The following MFSD6 variants were observed in gnomAD, a reference collection of about 807,000 sequenced individuals.
The protein encoded by MFSD6 is major facilitator superfamily domain containing 6, also known as major facilitator superfamily domain-containing protein 6.
Under a neutral mutation model 56.3 loss-of-function variants are expected in MFSD6, and 26 were observed. That is an observed-to-expected ratio of 0.46 (90% CI 0.34 to 0.64). MFSD6 has a LOEUF of 0.64. Ranked by LOEUF, MFSD6 falls within the 30% of genes least tolerant of loss-of-function variation. The probability of loss-of-function intolerance (pLI) is 0.01; values close to 1 mark genes in which losing one functional copy is unlikely to be tolerated. For missense variants in MFSD6, 750 were observed against 986.2 expected (o/e 0.76, Z 3.21); for synonymous variants, 331 against 366.9 (o/e 0.90, Z 1.12).
Position 190,491,806 on chromosome 2 carries a change from A to G in MFSD6, c.1891+1940A>G, listed in dbSNP as rs188861443. On this transcript the variant is annotated intron_variant, in intron 6 of 7. Coordinates refer to ENST00000392328, the MANE Select transcript of MFSD6 (RefSeq NM_017694.4). This position sits in a 1 kb window ranked among gnomAD's most constrained non-coding sequence, Gnocchi z 4.2. ...CACCAGCAATAGATCCAAACCAAGA[A>G]GAAATCTCTGACTTCCCTGAAAAAG... 8.2e-4 allele frequency among the ~76,000 whole-genome samples: 125 copies of G among 152,330 alleles called. No homozygotes were observed. Among genetic ancestry groups the G allele is most frequent in the Non-Finnish European group, 1.5e-3 (103 of 68,020 alleles).
intron 2 of MFSD6, among the ~76,000 whole-genome samples, chr2:190,432,698 T>C (rs960018934): frequency 6.6e-6 from 1 of 152,130 alleles, no homozygotes; most frequent in Non-Finnish European, 1.5e-5. Context: ...ATTACAGGCG[T>C]GAGCCACCGC....
chr2:190,477,891 C>G (rs1273245995), intron 4 of MFSD6, among the ~76,000 whole-genome samples: 1 of 152,158 alleles, frequency 6.6e-6, no homozygotes, highest in Non-Finnish European at 1.5e-5. Flanking sequence ...AAGCTAGATT[C>G]TGAAGGGCGA....
chr2:190,463,687 G>A lies in MFSD6; in HGVS notation c.1533-6071G>A, dbSNP rs1687448267. ...AATCAAAAGTTAGCTTGGCGTGATGGTGCACACCTGTAGTCCCAGCTACTT... is the reference window on the plus strand; with the variant it reads ...AATCAAAAGTTAGCTTGGCGTGATGATGCACACCTGTAGTCCCAGCTACTT... On this transcript the variant is annotated intron_variant, in intron 3 of 7. Transcript: ENST00000392328. This position sits in a 1 kb window ranked among gnomAD's most constrained non-coding sequence, Gnocchi z 4.4. The A allele has an allele frequency of 6.3e-6, 1 of 159,344 alleles. No homozygotes were observed. Among genetic ancestry groups the A allele is most frequent in the African/African-American group, 2.4e-5 (1 of 41,528 alleles). The allele number at this position is 159,344 out of a possible 1,614,324, so 9.9% of individuals were successfully genotyped here.
At chr2:190,483,269 ATTTACTATAGAATAC>A (rs924059595) in intron 4 of MFSD6, among the ~76,000 whole-genome samples, 3 of 152,158 alleles carry the variant, frequency 2.0e-5, no homozygotes, top group African/African-American at 7.2e-5. Context: ...AGATAGTTAC[ATTTACTATAGAATAC>A]TTCTAACAAT....
chr2:190,477,179 A>C (rs1294590250), intron 4 of MFSD6: 31 of 856,486 alleles, frequency 3.6e-5, no homozygotes, highest in Non-Finnish European at 3.9e-5. Context: ...CGTTGTGCAC[A>C]TGTACCCTAA....
In MFSD6 at chr2:190,494,822, G is replaced by A. The variant is rs1187409377; in HGVS notation, c.1892-2617G>A. On this transcript the variant is annotated intron_variant, in intron 6 of 7. Coordinates refer to ENST00000392328, the MANE Select transcript of MFSD6 (RefSeq NM_017694.4). This position sits in a 1 kb window ranked among gnomAD's most constrained non-coding sequence, Gnocchi z 5.7. ...CATCCCTTTATGATTAAAACCCTTA[G>A]CAAAATCAGCATACAAGAGACATAA... Among the ~76,000 whole-genome samples the A allele has an allele frequency of 6.6e-6, 1 of 151,928 alleles. No individual in the cohort carries two copies. Among genetic ancestry groups the A allele is most frequent in the African/African-American group, 2.4e-5 (1 of 41,384 alleles).
intron 3 of MFSD6, among the ~76,000 whole-genome samples, chr2:190,468,218 G>A (rs1367237095): frequency 6.6e-6 from 1 of 151,968 alleles, no homozygotes; most frequent in Non-Finnish European, 1.5e-5. Flanking sequence ...CAAGTACAAA[G>A]AACATAATGT....
Position 190,436,274 on chromosome 2 carries a change from A to G in MFSD6, c.245A>G (p.Tyr82Cys). 8 of 1,614,042 alleles carry G rather than the reference A, an allele frequency of 5.0e-6. No homozygotes were observed. The East Asian group carries it at 1.1e-4, about 22-fold the overall frequency. ...KVFYFFFYSA[Y>C]GSLYPLLPVY... Reference sequence around the variant, plus strand: ...TTTTATTTTTTCTTTTACTCTGCCTATGGCTCTCTCTATCCCCTTTTGCCT... The same window carrying G: ...TTTTATTTTTTCTTTTACTCTGCCTGTGGCTCTCTCTATCCCCTTTTGCCT... The change falls in exon 3 of 8, where the codon TAT becomes TGT. Residue 82 changes from tyrosine to cysteine, a missense_variant. Tyr to Cys is a radical substitution (Grantham distance 194). Transcript: ENST00000392328. The surrounding 1 kb of genome is among the most constrained non-coding windows in gnomAD (Gnocchi z 5.3).
At position 190,497,805 on chromosome 2, in the gene MFSD6, C is replaced by A; in HGVS notation, c.2172+86C>A. 2 of 1,429,046 alleles carry A rather than the reference C, an allele frequency of 1.4e-6. No individual in the cohort carries two copies. The highest frequency in any genetic ancestry group is 9.5e-7 in the Non-Finnish European group (1 of 1,051,224). The allele number at this position is 1,429,046 out of a possible 1,614,324, so 88.5% of individuals were successfully genotyped here. On this transcript the variant is annotated intron_variant, in intron 7 of 7. Transcript: ENST00000392328. This position sits in a 1 kb window ranked among gnomAD's most constrained non-coding sequence, Gnocchi z 5.2. The stretch of plus-strand genomic sequence containing the variant: ...CAGTTTTAATTACTCACTTTTCATT[C>A]AACAAGATTTATTGAAAGTCTGGTG...
rs555032257 is a variant in MFSD6 at position 190,410,554 on chromosome 2, G to A, written c.-176+2051G>A. Among the ~76,000 whole-genome samples the A allele has an allele frequency of 6.7e-4, 102 of 152,274 alleles. No homozygotes were observed. The highest frequency in any genetic ancestry group is 1.9e-3 in the African/African-American group (80 of 41,546). On this transcript the variant is annotated intron_variant, in intron 1 of 7. Transcript: ENST00000392328. This position sits in a 1 kb window ranked among gnomAD's most constrained non-coding sequence, Gnocchi z 4.4. Reference sequence around the variant, plus strand: ...GTAGGATAATTTATATATTTATTACGTATGTATATTAATGTGTGTATGTTT... The same window carrying A: ...GTAGGATAATTTATATATTTATTACATATGTATATTAATGTGTGTATGTTT...
At chr2:190,450,481 C>CT (rs1686737291) in intron 3 of MFSD6, among the ~76,000 whole-genome samples, 1 of 103,106 alleles carries the variant, frequency 9.7e-6, no homozygotes, top group African/African-American at 3.3e-5. Context: ...TTCTTTTTCT[C>CT]TTTTTCCTTT....
At chr2:190,483,835 C>CAAA (rs34089229) in intron 4 of MFSD6, among the ~76,000 whole-genome samples, 9 of 86,650 alleles carry the variant, frequency 1.0e-4, no homozygotes, top group Non-Finnish European at 1.5e-4. Flanking sequence ...AACTCATTTT[C>CAAA]AAAAAAAAAA....
In MFSD6 at chr2:190,413,310, G is replaced by A. The variant is rs1690643197; in HGVS notation, c.-175-1982G>A. 6.6e-6 allele frequency among the ~76,000 whole-genome samples: 1 copy of A among 152,030 alleles called. No individual in the cohort carries two copies. Among genetic ancestry groups the A allele is most frequent in the Non-Finnish European group, 1.5e-5 (1 of 68,014 alleles). ...GCGGGGTAGAATGGGGGAGAATAGG[G>A]CAAAGATGGGAAGAAATTCAGACCC... On this transcript the variant is annotated intron_variant, in intron 1 of 7. Transcript: ENST00000392328. The surrounding 1 kb of genome is among the most constrained non-coding windows in gnomAD (Gnocchi z 4.1).
intron 3 of MFSD6, among the ~76,000 whole-genome samples, chr2:190,445,558 A>G (rs895549242): frequency 4.6e-5 from 7 of 151,890 alleles, no homozygotes; most frequent in Admixed American, 1.3e-4. Context: ...AACACAAAAC[A>G]TACAGAATGA....
chr2:190,465,425 C>CT lies in MFSD6; in HGVS notation c.1533-4324dup, dbSNP rs141952123. ...TAGGTATCTATATCTCGTGGAGAGACTTTTTTTTTCAGTGTCTTGTATTTC... is the reference window on the plus strand; with the variant it reads ...TAGGTATCTATATCTCGTGGAGAGACTTTTTTTTTTCAGTGTCTTGTATTTC... On this transcript the variant is annotated intron_variant, in intron 3 of 7. Coordinates refer to ENST00000392328, the MANE Select transcript of MFSD6 (RefSeq NM_017694.4). This position sits in a 1 kb window ranked among gnomAD's most constrained non-coding sequence, Gnocchi z 4.6. Among the ~76,000 whole-genome samples, 5 of 150,912 alleles carry CT rather than the reference C, an allele frequency of 3.3e-5. No homozygotes were observed. Among genetic ancestry groups the CT allele is most frequent in the African/African-American group, 4.9e-5 (2 of 40,970 alleles).
Position 190,497,463 on chromosome 2 carries a change from T to C in MFSD6, c.1916T>C (p.Ile639Thr). Reference sequence around the variant, plus strand: ...GACAAGACAATGTTGGCAGAAAGAATTCCTGTTCCCTCCAGTCCCGTTCCT... The same window carrying C: ...GACAAGACAATGTTGGCAGAAAGAACTCCTGTTCCCTCCAGTCCCGTTCCT... The part of the protein sequence containing the change: ...EEDKTMLAER[I>T]PVPSSPVPIA... The change falls in exon 7 of 8, where the codon ATT becomes ACT. Residue 639 changes from isoleucine to threonine, a missense_variant. By Grantham distance (89) the Ile-to-Thr change is moderately conservative. Coordinates refer to ENST00000392328, the MANE Select transcript of MFSD6 (RefSeq NM_017694.4). This position sits in a 1 kb window ranked among gnomAD's most constrained non-coding sequence, Gnocchi z 5.2. 1 of 1,614,154 alleles carries C rather than the reference T, an allele frequency of 6.2e-7. No individual in the cohort carries two copies. Among genetic ancestry groups the C allele is most frequent in the Non-Finnish European group, 8.5e-7 (1 of 1,180,016 alleles).
In MFSD6 at chr2:190,501,590, C is replaced by T. The variant is rs779805669; in HGVS notation, c.*1372C>T. On this transcript the variant is annotated 3_prime_UTR_variant, in exon 8 of 8. Coordinates refer to ENST00000392328, the MANE Select transcript of MFSD6 (RefSeq NM_017694.4). ...GAGAGAGAGGAAAGAAAAGAACAGT[C>T]GAAATGAGCAACTCACCTTACCCTC... is the stretch of plus-strand genomic sequence containing the variant. The T allele has an allele frequency of 2.0e-5, 3 of 152,208 alleles. No homozygotes were observed. The highest frequency in any genetic ancestry group is 2.9e-5 in the Non-Finnish European group (2 of 68,024). 9.4% of individuals were successfully genotyped at this position (152,208 alleles called of 1,614,324 possible). A position where few individuals can be genotyped will look rare whatever the true frequency, so the allele number is the denominator to read the frequency against.
At chr2:190,453,964 AT>A (rs1686880114) in intron 3 of MFSD6, 1 of 152,218 alleles carries the variant, frequency 6.6e-6, no homozygotes, top group Admixed American at 6.5e-5. Flanking sequence ...ACTGGAATAT[AT>A]TTCACAGAGA....
rs1575806128 is a variant in MFSD6, at chr2:190,408,401, T to A, written c.-278T>A. 1 of 150,018 alleles carries A rather than the reference T, an allele frequency of 6.7e-6. No homozygotes were observed. Among genetic ancestry groups the A allele is most frequent in the East Asian group, 2.0e-4 (1 of 5,028 alleles). The allele number at this position is 150,018 out of a possible 1,614,324, so 9.3% of individuals were successfully genotyped here. On this transcript the variant is annotated 5_prime_UTR_variant, in exon 1 of 8. Coordinates refer to ENST00000392328, the MANE Select transcript of MFSD6 (RefSeq NM_017694.4). ...GCGAGCAGCCCGGGATGGTGCGCGC[T>A]GCCCCGACAGCCGCCGCCCCGGCGC...
Sources: gnomAD v4.1 joint callset for allele counts (sites outside exome capture counted in the v4.1 genomes callset) on GRCh38, gnomAD v4.1.1 for gene constraint, Gnocchi (gnomAD v3.1) non-coding constraint, MANE v1.5 for transcripts, NCBI Gene and HGNC (gene_info 2026-07-23, HGNC 2026-07-21) for gene names.